Variants in RBMS3 observed in about 807,000 individuals in gnomAD.
RBMS3 encodes the protein RNA binding motif single stranded interacting protein 3, also known as RNA-binding motif, single-stranded-interacting protein 3.
RBMS3 carries 27 observed loss-of-function variants against 66.8 expected under a neutral mutation model. The observed-to-expected ratio is 0.40, with a 90% CI of 0.30 to 0.56. The LOEUF is 0.56. Among genes scored for constraint, RBMS3 ranks in the 20% least tolerant of loss-of-function variants. The pLI is 0.40. For synonymous variants in RBMS3, 188 were observed against 183.0 expected (o/e 1.03, Z -0.22); for missense variants, 513 against 549.5 (o/e 0.93, Z 0.66).
At chr3:29,385,694 T>C (rs2038980103) in intron 1 of RBMS3, among the ~76,000 whole-genome samples, 1 of 152,166 alleles carries the variant, frequency 6.6e-6, no homozygotes, top group African/African-American at 2.4e-5. Context: ...CACCGTGGCC[T>C]CTCCATTCTT....
chr3:29,834,767 A>G (rs1197075922), intron 6 of RBMS3, among the ~76,000 whole-genome samples: 1 of 152,056 alleles, frequency 6.6e-6, no homozygotes, highest in Non-Finnish European at 1.5e-5. Flanking sequence ...CAAAAGGGCA[A>G]TAGTAAGTCT....
At chr3:29,742,607 T>G (rs2054695071) in intron 5 of RBMS3, among the ~76,000 whole-genome samples, 1 of 152,236 alleles carries the variant, frequency 6.6e-6, no homozygotes, top group Non-Finnish European at 1.5e-5. Flanking sequence ...AGTTAGGTGC[T>G]CTTGTTATAG....
chr3:29,604,167 T>C (rs2048242797), intron 4 of RBMS3, among the ~76,000 whole-genome samples: 1 of 152,010 alleles, frequency 6.6e-6, no homozygotes, highest in African/African-American at 2.4e-5. Context: ...GGTTTTGCCA[T>C]TGCATTTTAA....
chr3:29,374,193 G>A (rs1480465180), intron 1 of RBMS3, among the ~76,000 whole-genome samples: 2 of 152,214 alleles, frequency 1.3e-5, no homozygotes, highest in East Asian at 1.9e-4. Flanking sequence ...GACTAACATT[G>A]TGAAGATGGA....
chr3:29,329,799 TA>T (rs555103330), intron 1 of RBMS3, among the ~76,000 whole-genome samples: 23 of 148,734 alleles, frequency 1.5e-4, no homozygotes, highest in African/African-American at 5.6e-4. Context: ...GAAAAATTTT[TA>T]TAGATTATAT....
At chr3:29,361,566 C>G (rs1172727336) in intron 1 of RBMS3, among the ~76,000 whole-genome samples, 2 of 152,150 alleles carry the variant, frequency 1.3e-5, no homozygotes, top group East Asian at 3.9e-4. Context: ...GTGGCATTCT[C>G]TGTATCTCCT....
At chr3:29,338,371 T>C (rs1308022617) in intron 1 of RBMS3, among the ~76,000 whole-genome samples, 1 of 152,162 alleles carries the variant, frequency 6.6e-6, no homozygotes, top group Non-Finnish European at 1.5e-5. Context: ...AAAGAGTAAT[T>C]GGTTTGCCTT....
chr3:29,855,619 C>T (rs2059054188), intron 6 of RBMS3, among the ~76,000 whole-genome samples: 1 of 152,098 alleles, frequency 6.6e-6, no homozygotes, highest in African/African-American at 2.4e-5. Context: ...GGTAAGAAAG[C>T]CTTCCTGAGA....
intron 4 of RBMS3, among the ~76,000 whole-genome samples, chr3:29,628,075 T>C (rs1357927970): frequency 6.6e-6 from 1 of 152,084 alleles, no homozygotes; most frequent in Non-Finnish European, 1.5e-5. Context: ...CCATCATCAG[T>C]CAGATATAAA....
intron 3 of RBMS3, among the ~76,000 whole-genome samples, chr3:29,536,485 T>C (rs2045562252): frequency 6.6e-6 from 1 of 152,226 alleles, no homozygotes. Flanking sequence ...TATTGTTCTT[T>C]GTTCTGTTCT....
intron 10 of RBMS3, among the ~76,000 whole-genome samples, chr3:29,928,352 A>G (rs976074989): frequency 1.8e-5 from 1 of 54,890 alleles, no homozygotes; most frequent in Admixed American, 1.8e-4. Flanking sequence ...GTGGGTAGAG[A>G]TCAATGGTTT....
chr3:29,730,440 G>A (rs949476250), intron 4 of RBMS3, among the ~76,000 whole-genome samples: 12 of 152,126 alleles, frequency 7.9e-5, no homozygotes, highest in Non-Finnish European at 1.8e-4. Context: ...GTGAGCCTCA[G>A]CAAGCCTAAG....
At chr3:29,298,276 C>G (rs2033425103) in intron 1 of RBMS3, among the ~76,000 whole-genome samples, 1 of 151,854 alleles carries the variant, frequency 6.6e-6, no homozygotes, top group Admixed American at 6.6e-5. Flanking sequence ...CCATTTTTGC[C>G]TTCCTTTTGG....
intron 11 of RBMS3, among the ~76,000 whole-genome samples, chr3:29,940,194 G>A (rs1160347518): frequency 6.6e-6 from 1 of 151,850 alleles, no homozygotes; most frequent in Non-Finnish European, 1.5e-5. Context: ...AACTGTAATA[G>A]TTTCCTAACC....
chr3:29,374,364 T>G (rs1450791182), intron 1 of RBMS3, among the ~76,000 whole-genome samples: 3 of 152,162 alleles, frequency 2.0e-5, no homozygotes, highest in Non-Finnish European at 4.4e-5. Flanking sequence ...TCAAGCTGGT[T>G]TTGAAACAGA....
chr3:29,777,421 A>T (rs2056465191), intron 6 of RBMS3, among the ~76,000 whole-genome samples: 1 of 151,944 alleles, frequency 6.6e-6, no homozygotes, highest in Non-Finnish European at 1.5e-5. Flanking sequence ...TTCTAGTGTG[A>T]TTTCCTAATA....
chr3:29,544,368 C>G (rs74428235), intron 3 of RBMS3, among the ~76,000 whole-genome samples: 13,744 of 147,604 alleles, frequency 0.093, 706 homozygotes, highest in African/African-American at 0.13. Context: ...AAGTTGCCTT[C>G]TTGAGAAGTC....
intron 6 of RBMS3, among the ~76,000 whole-genome samples, chr3:29,811,387 C>T (rs1385476839): frequency 1.3e-5 from 2 of 152,172 alleles, no homozygotes; most frequent in Non-Finnish European, 2.9e-5. Flanking sequence ...AACTGCTGTA[C>T]AGCAGGACAG....
chr3:29,878,706 T>C (rs1315192698), intron 7 of RBMS3, among the ~76,000 whole-genome samples: 1 of 152,168 alleles, frequency 6.6e-6, no homozygotes, highest in Non-Finnish European at 1.5e-5. Context: ...TAATATGCTT[T>C]ATAAATTAAA....
Sources: gnomAD v4.1 joint callset for allele counts (sites outside exome capture counted in the v4.1 genomes callset) on GRCh38, gnomAD v4.1.1 for gene constraint, MANE v1.5 for transcripts, NCBI Gene and HGNC (gene_info 2026-07-23, HGNC 2026-07-21) for gene names.